FSTL5: variants seen among roughly 807,000 people sequenced by gnomAD.
FSTL5 encodes the protein follistatin-related protein 5.
FSTL5 carries 62 observed loss-of-function variants against 89.1 expected under a neutral mutation model. That is an observed-to-expected ratio of 0.70 (90% CI 0.57 to 0.86). The LOEUF (loss-of-function observed/expected upper bound fraction) is 0.86. Among genes scored for constraint, FSTL5 ranks in the 40% least tolerant of loss-of-function variants. FSTL5 has a pLI of 0.00. For missense variants in FSTL5, 1,057 were observed against 1,001.6 expected (o/e 1.06, Z -0.75); for synonymous variants, 383 against 346.2 (o/e 1.11, Z -1.18).
chr4:161,412,422 A>C (rs1731623757), intron 15 of FSTL5, among the ~76,000 whole-genome samples: 1 of 151,904 alleles, frequency 6.6e-6, no homozygotes. Context: ...GCATCACACT[A>C]CCTGACTTCA....
Position 161,920,402 on chromosome 4 carries a change from A to C in FSTL5, c.409+2T>G, listed in dbSNP as rs754324260. 6.2e-7 allele frequency: 1 copy of C among 1,613,404 alleles called. No homozygotes were observed. On this transcript the variant is annotated splice_donor_variant, in intron 4 of 15. Coordinates refer to ENST00000306100, the MANE Select transcript of FSTL5 (RefSeq NM_020116.5). LOFTEE classifies it high-confidence loss of function. ...GACACTTAAGGTTCACCCTTCATTT[A>C]CCTTTAAAGAAGCAGTCTTCATTGT...
At chr4:162,117,695 A>T (rs1266183614) in intron 1 of FSTL5, among the ~76,000 whole-genome samples, 1 of 152,212 alleles carries the variant, frequency 6.6e-6, no homozygotes, top group Non-Finnish European at 1.5e-5. Flanking sequence ...AGCTCTCCTC[A>T]TCATCTGAAT....
chr4:161,756,995 G>A (rs1214996093), intron 6 of FSTL5, among the ~76,000 whole-genome samples: 1 of 152,124 alleles, frequency 6.6e-6, no homozygotes, highest in East Asian at 1.9e-4. Flanking sequence ...GTAGTGGTTA[G>A]GAGATTAGAC....
At chr4:161,872,148 T>TTTC (rs1553974288) in intron 4 of FSTL5, among the ~76,000 whole-genome samples, 3 of 135,786 alleles carry the variant, frequency 2.2e-5, no homozygotes, top group Non-Finnish European at 3.2e-5. Flanking sequence ...TTGGTTTTTT[T>TTTC]TTTTTTTTTT....
chr4:162,086,716 G>T (rs976757265), intron 2 of FSTL5, among the ~76,000 whole-genome samples: 3 of 151,448 alleles, frequency 2.0e-5, no homozygotes, highest in African/African-American at 7.3e-5. Context: ...CTATAGATTT[G>T]TATATTTTAA....
intron 4 of FSTL5, among the ~76,000 whole-genome samples, chr4:161,803,165 C>T (rs1729851106): frequency 6.6e-6 from 1 of 151,922 alleles, no homozygotes; most frequent in South Asian, 2.1e-4. Flanking sequence ...CAGTGTGTAT[C>T]ACTGGCTTTG....
intron 6 of FSTL5, among the ~76,000 whole-genome samples, chr4:161,666,195 A>G (rs1380327192): frequency 1.3e-5 from 2 of 152,232 alleles, no homozygotes; most frequent in East Asian, 1.9e-4. Context: ...TCTACACATC[A>G]CTAAGAAAAA....
At chr4:161,519,917 T>C (rs1351512844) in intron 10 of FSTL5, among the ~76,000 whole-genome samples, 1 of 152,128 alleles carries the variant, frequency 6.6e-6, no homozygotes, top group Non-Finnish European at 1.5e-5. Context: ...ATAAAATGAT[T>C]ATAATATATA....
intron 7 of FSTL5, among the ~76,000 whole-genome samples, chr4:161,602,253 AAGAG>A (rs58991875): frequency 0.17 from 20,479 of 122,202 alleles, 1,728 homozygotes; most frequent in Non-Finnish European, 0.2. Context: ...GAGGGAGAGA[AAGAG>A]AGAGAGAGAG....
At chr4:161,691,315 T>C (rs1204534542) in intron 6 of FSTL5, among the ~76,000 whole-genome samples, 1 of 152,128 alleles carries the variant, frequency 6.6e-6, no homozygotes, top group Non-Finnish European at 1.5e-5. Context: ...TATTGAATAC[T>C]CTTGACTCAC....
At chr4:162,064,804 C>T (rs1024115789) in intron 2 of FSTL5, among the ~76,000 whole-genome samples, 3 of 151,972 alleles carry the variant, frequency 2.0e-5, no homozygotes, top group Admixed American at 6.6e-5. Context: ...CTTTGACCAA[C>T]ATTTCCAATT....
At chr4:161,854,410 T>C (rs1181412766) in intron 4 of FSTL5, among the ~76,000 whole-genome samples, 1 of 152,170 alleles carries the variant, frequency 6.6e-6, no homozygotes, top group Admixed American at 6.5e-5. Context: ...TGAACTACTG[T>C]GAAGTCCCTA....
At chr4:161,432,845 T>A (rs1732427677) in intron 15 of FSTL5, among the ~76,000 whole-genome samples, 1 of 151,984 alleles carries the variant, frequency 6.6e-6, no homozygotes, top group Non-Finnish European at 1.5e-5. Context: ...AACGGATACA[T>A]TCCTGGATAC....
intron 4 of FSTL5, among the ~76,000 whole-genome samples, chr4:161,890,699 A>T (rs1732960538): frequency 6.6e-6 from 1 of 151,812 alleles, no homozygotes; most frequent in Non-Finnish European, 1.5e-5. Context: ...AAAAAAAAAA[A>T]AAAAAAACAG....
intron 6 of FSTL5, among the ~76,000 whole-genome samples, chr4:161,701,147 T>A (rs1738374906): frequency 6.6e-6 from 1 of 152,216 alleles, no homozygotes; most frequent in Non-Finnish European, 1.5e-5. Flanking sequence ...TTTAAAGCAA[T>A]CAGCATTTAA....
chr4:161,985,972 T>G (rs2111062170), intron 3 of FSTL5, among the ~76,000 whole-genome samples: 1 of 152,272 alleles, frequency 6.6e-6, no homozygotes, highest in South Asian at 2.1e-4. Context: ...CACAATTTAT[T>G]TAAGCTGCAC....
At chr4:162,095,169 T>C (rs1408690066) in intron 2 of FSTL5, among the ~76,000 whole-genome samples, 1 of 152,096 alleles carries the variant, frequency 6.6e-6, no homozygotes, top group Non-Finnish European at 1.5e-5. Flanking sequence ...ACTATAAAAT[T>C]ACATTGAATA....
intron 6 of FSTL5, among the ~76,000 whole-genome samples, chr4:161,742,645 A>C (rs902921835): frequency 2.6e-5 from 4 of 152,216 alleles, no homozygotes; most frequent in Admixed American, 6.5e-5. Flanking sequence ...TCCATGTGAC[A>C]GTGTCCAGTG....
At position 161,513,272 on chromosome 4, in the gene FSTL5, G is replaced by GGA. The variant is rs6148753; in HGVS notation, c.1313-2850_1313-2849dup. On this transcript the variant is annotated intron_variant, in intron 10 of 15. Transcript: ENST00000306100. ...ACTGAACTGAACCAAACAAGGAGGG[G>GGA]GAGAGAGAGAGAGAGAGAGAGAGAG... is the stretch of plus-strand genomic sequence containing the variant. 6.7e-3 allele frequency among the ~76,000 whole-genome samples: 739 copies of GGA among 109,994 alleles called. 24 individuals are homozygous for GGA. Among genetic ancestry groups the GGA allele is most frequent in the African/African-American group, 0.021 (592 of 28,536 alleles). The allele number at this position is 109,994 out of a possible 152,430, so 72.2% of individuals were successfully genotyped here.
Sources: allele counts gnomAD v4.1 joint callset (sites outside exome capture counted in the v4.1 genomes callset), GRCh38; gene constraint gnomAD v4.1.1; transcripts MANE v1.5; gene names NCBI Gene and HGNC (gene_info 2026-07-23, HGNC 2026-07-21).